CARMIL1: variants seen among roughly 807,000 people sequenced by gnomAD.
The protein encoded by CARMIL1 is capping protein regulator and myosin 1 linker 1.
Under a neutral mutation model 177.1 loss-of-function variants are expected in CARMIL1, and 90 were observed. That is an observed-to-expected ratio of 0.51 (90% CI 0.43 to 0.61). CARMIL1 has a LOEUF of 0.61. Ranked by LOEUF, CARMIL1 falls within the 20% of genes least tolerant of loss-of-function variation. The pLI is 0.00. For missense variants in CARMIL1, 1,380 were observed against 1,667.0 expected (o/e 0.83, Z 3.00); for synonymous variants, 577 against 606.2 (o/e 0.95, Z 0.71).
intron 31 of CARMIL1, among the ~76,000 whole-genome samples, chr6:25,585,855 G>A (rs948124677): frequency 4.0e-5 from 6 of 151,832 alleles, no homozygotes; most frequent in Non-Finnish European, 7.4e-5. Context: ...CAGAGAGCAC[G>A]GGGTTGGGGG....
At chr6:25,357,600 T>C (rs1019115119) in intron 2 of CARMIL1, among the ~76,000 whole-genome samples, 2 of 152,152 alleles carry the variant, frequency 1.3e-5, no homozygotes, top group South Asian at 2.1e-4. Context: ...AAAACAAAAA[T>C]AAAAAAACAC....
chr6:25,407,839 A>G (rs1348377787), intron 2 of CARMIL1, among the ~76,000 whole-genome samples: 1 of 152,218 alleles, frequency 6.6e-6, no homozygotes, highest in African/African-American at 2.4e-5. Flanking sequence ...TAGTACCTGA[A>G]TAAGGGAACT....
chr6:25,486,300 C>T (rs569601329), intron 12 of CARMIL1, among the ~76,000 whole-genome samples: 1 of 152,176 alleles, frequency 6.6e-6, no homozygotes, highest in East Asian at 1.9e-4. Context: ...CTGAGGAAAT[C>T]CTTCATGCTG....
rs746973443 is a variant in CARMIL1 at position 25,509,450 on chromosome 6, G to A, written c.1396-206G>A. ...TCTAATGTTTTTAGGATTTAATGTG[G>A]GATCACATGGCATAGGAAACAGCAG... On this transcript the variant is annotated intron_variant, in intron 17 of 36. Transcript: ENST00000329474. This position sits in a 1 kb window ranked among gnomAD's most constrained non-coding sequence, Gnocchi z 4.1. 6.6e-6 allele frequency among the ~76,000 whole-genome samples: 1 copy of A among 152,050 alleles called. No homozygotes were observed. The highest frequency in any genetic ancestry group is 2.4e-5 in the African/African-American group (1 of 41,404).
At chr6:25,413,048 C>T (rs566384588) in intron 2 of CARMIL1, among the ~76,000 whole-genome samples, 8 of 152,256 alleles carry the variant, frequency 5.3e-5, no homozygotes, top group African/African-American at 1.9e-4. Flanking sequence ...GTTTTATTCT[C>T]CTTCAGTTTT....
chr6:25,323,030 A>G (rs1784804813), intron 2 of CARMIL1, among the ~76,000 whole-genome samples: 1 of 152,014 alleles, frequency 6.6e-6, no homozygotes, highest in Non-Finnish European at 1.5e-5. Flanking sequence ...TTCCAGGCGC[A>G]CCCTTTCCTC....
chr6:25,430,912 T>C (rs1796711802), intron 4 of CARMIL1, among the ~76,000 whole-genome samples: 1 of 152,230 alleles, frequency 6.6e-6, no homozygotes, highest in Admixed American at 6.5e-5. Flanking sequence ...ACTTCTAATA[T>C]CTGTAGAGTG....
chr6:25,534,898 A>G (rs1374688433), intron 24 of CARMIL1, among the ~76,000 whole-genome samples: 3 of 152,222 alleles, frequency 2.0e-5, no homozygotes, highest in Admixed American at 6.5e-5. Flanking sequence ...AAAATTTTCT[A>G]TGAATAAGCT....
At chr6:25,535,421 G>C (rs996930965) in intron 24 of CARMIL1, among the ~76,000 whole-genome samples, 9 of 152,132 alleles carry the variant, frequency 5.9e-5, no homozygotes, top group Admixed American at 5.9e-4. Flanking sequence ...GTTCTCAAGG[G>C]GAAGATATGG....
intron 23 of CARMIL1, among the ~76,000 whole-genome samples, chr6:25,526,006 G>C (rs1026686327): frequency 6.6e-6 from 1 of 151,944 alleles, no homozygotes; most frequent in Non-Finnish European, 1.5e-5. Context: ...ATTGAAAATA[G>C]GTATAGAAAA....
chr6:25,409,720 A>T (rs1402886957), intron 2 of CARMIL1, among the ~76,000 whole-genome samples: 3 of 152,036 alleles, frequency 2.0e-5, no homozygotes, highest in Non-Finnish European at 4.4e-5. Context: ...AGAATTGTGC[A>T]CACACACACA....
In CARMIL1 at chr6:25,528,803, C is replaced by T. The variant is rs1368491534; in HGVS notation, c.1977C>T (p.Asn659=). 1 of 1,602,072 alleles carries T rather than the reference C, an allele frequency of 6.2e-7. No homozygotes were observed. The change falls in exon 24 of 37, where the codon AAC becomes AAT. Residue 659 remains asparagine (N), a synonymous_variant. Coordinates refer to ENST00000329474, the MANE Select transcript of CARMIL1 (RefSeq NM_017640.6). ...CTGTGCTTTATTTCCAGATAGAAAA[C>T]TACCTGCTACGAAATCACGAGACTA... ...KTEDALQKIE[N]YLLRNHETRK...
chr6:25,430,746 T>C (rs911616721), intron 4 of CARMIL1, among the ~76,000 whole-genome samples: 5 of 152,216 alleles, frequency 3.3e-5, no homozygotes, highest in African/African-American at 1.2e-4. Flanking sequence ...AGGTTTTAAA[T>C]TGCAAATTCT....
intron 2 of CARMIL1, among the ~76,000 whole-genome samples, chr6:25,338,973 T>C (rs781201654): frequency 6.6e-6 from 1 of 152,192 alleles, no homozygotes; most frequent in Non-Finnish European, 1.5e-5. Flanking sequence ...GGCTATATTA[T>C]AGTTTCGATG....
At chr6:25,290,708 C>T (rs528610209) in intron 2 of CARMIL1, among the ~76,000 whole-genome samples, 2 of 152,128 alleles carry the variant, frequency 1.3e-5, no homozygotes, top group South Asian at 4.1e-4. Flanking sequence ...TCGAACTATT[C>T]TGTTTTGTTT....
At chr6:25,368,874 T>C (rs1790108373) in intron 2 of CARMIL1, among the ~76,000 whole-genome samples, 1 of 152,218 alleles carries the variant, frequency 6.6e-6, no homozygotes, top group Non-Finnish European at 1.5e-5. Context: ...GGTCAAAATG[T>C]GTTGTATTGA....
intron 2 of CARMIL1, among the ~76,000 whole-genome samples, chr6:25,343,388 C>G (rs1787157816): frequency 6.7e-6 from 1 of 148,776 alleles, no homozygotes; most frequent in Non-Finnish European, 1.5e-5. Flanking sequence ...AGGGATAAGT[C>G]TGTACCTTTT....
At chr6:25,540,136 G>GCATTT in intron 26 of CARMIL1, 58 bp downstream of exon 26, 1 of 1,463,852 alleles carries the variant, frequency 6.8e-7, no homozygotes, top group Non-Finnish European at 9.2e-7. Context: ...ACGCATGATA[G>GCATTT]CATTTCATTC....
chr6:25,343,970 G>C (rs948039035), intron 2 of CARMIL1, among the ~76,000 whole-genome samples: 3 of 152,044 alleles, frequency 2.0e-5, no homozygotes, highest in Non-Finnish European at 4.4e-5. Context: ...GGCCCACTTT[G>C]CCTCCTTGTC....
Sources: gnomAD v4.1 joint callset for allele counts (sites outside exome capture counted in the v4.1 genomes callset) on GRCh38, gnomAD v4.1.1 for gene constraint, Gnocchi (gnomAD v3.1) non-coding constraint, MANE v1.5 for transcripts, NCBI Gene and HGNC (gene_info 2026-07-23, HGNC 2026-07-21) for gene names.